PRSS23: variants seen among roughly 807,000 people sequenced by gnomAD.
PRSS23 encodes the protein serine protease 23.
A neutral mutation model predicts 34.7 loss-of-function variants in PRSS23; 25 were observed. That is an observed-to-expected ratio of 0.72 (90% CI 0.53 to 1.01). PRSS23 has a LOEUF of 1.01. Ranked by LOEUF, PRSS23 falls within the 50% of genes least tolerant of loss-of-function variation. The pLI is 0.00. For missense variants in PRSS23, 445 were observed against 475.6 expected, an observed-to-expected ratio of 0.94 and a Z score of 0.60; for synonymous variants, 176 against 186.6, an observed-to-expected ratio of 0.94 and a Z score of 0.46.
chr11:86,925,916 G>A (rs533389675), intron 2 of PRSS23, among the ~76,000 whole-genome samples: 17 of 152,102 alleles, frequency 1.1e-4, no homozygotes, highest in Non-Finnish European at 8.8e-5. Context: ...AAAATTTGGG[G>A]GTTTGTTTCG....
At chr11:86,841,438 G>C (rs568887391) in intron 2 of PRSS23, among the ~76,000 whole-genome samples, 1 of 150,536 alleles carries the variant, frequency 6.6e-6, no homozygotes, top group East Asian at 1.9e-4. Flanking sequence ...AATAAGTTCA[G>C]AGCAGAACTG....
At chr11:86,940,630 G>A (rs934491576) in intron 2 of PRSS23, among the ~76,000 whole-genome samples, 25 of 152,122 alleles carry the variant, frequency 1.6e-4, no homozygotes, top group Non-Finnish European at 4.4e-5. Context: ...TGTGCTGAGC[G>A]CAGGAGAGAA....
chr11:86,858,156 G>A (rs369060739), intron 2 of PRSS23, among the ~76,000 whole-genome samples: 3 of 152,130 alleles, frequency 2.0e-5, no homozygotes, highest in South Asian at 2.1e-4. Context: ...TCCAGTGGGG[G>A]AGAGAATGAC....
intron 2 of PRSS23, among the ~76,000 whole-genome samples, chr11:86,862,244 C>G (rs138998980): frequency 6.6e-6 from 1 of 151,938 alleles, no homozygotes; most frequent in Non-Finnish European, 1.5e-5. Flanking sequence ...GGTGTACACC[C>G]TGTGATATTA....
At chr11:86,941,971 A>C (rs947757881) in intron 2 of PRSS23, among the ~76,000 whole-genome samples, 1 of 151,876 alleles carries the variant, frequency 6.6e-6, no homozygotes, top group Non-Finnish European at 1.5e-5. Flanking sequence ...TTCCTTCCTT[A>C]TACATATATT....
chr11:86,816,679 A>G (rs1335299224), intron 1 of PRSS23, among the ~76,000 whole-genome samples: 3 of 152,200 alleles, frequency 2.0e-5, no homozygotes, highest in Non-Finnish European at 2.9e-5. Context: ...TTTTAAAGTG[A>G]CAGGTTTTAC....
At chr11:86,833,322 G>C (rs1490207284) in intron 2 of PRSS23, 10 of 1,199,248 alleles carry the variant, frequency 8.3e-6, no homozygotes, top group Middle Eastern at 4.0e-4. Flanking sequence ...TGACGGCCAG[G>C]ATAATGAGCA....
intron 2 of PRSS23, among the ~76,000 whole-genome samples, chr11:86,858,332 C>T (rs896384999): frequency 3.9e-5 from 6 of 151,928 alleles, no homozygotes; most frequent in Non-Finnish European, 1.5e-5. Flanking sequence ...CTCCCAATAT[C>T]GCAAGGGGTT....
chr11:86,885,385 T>A (rs185976964), intron 2 of PRSS23, among the ~76,000 whole-genome samples: 214 of 152,356 alleles, frequency 1.4e-3, no homozygotes, highest in Non-Finnish European at 2.4e-3. Flanking sequence ...CCATATTCAC[T>A]CCTATGATGG....
At chr11:86,835,666 G>A (rs1391220531) in intron 2 of PRSS23, among the ~76,000 whole-genome samples, 1 of 152,176 alleles carries the variant, frequency 6.6e-6, no homozygotes, top group Admixed American at 6.5e-5. Flanking sequence ...TTTAGGATGA[G>A]ATTAAGCCAG....
upstream of PRSS23, chr11:86,800,417 G>A (rs944945125): frequency 4.1e-6 from 4 of 979,018 alleles, no homozygotes; most frequent in Non-Finnish European, 4.9e-6. Context: ...AGGGGGGCAC[G>A]GTTTATGTGC....
intron 1 of PRSS23, 107 bp downstream of exon 1, chr11:86,800,758 C>A: frequency 1.6e-6 from 1 of 609,586 alleles, no homozygotes; most frequent in Non-Finnish European, 2.1e-6. Context: ...TAACTGCGGG[C>A]TGCCGGAGGC....
At chr11:86,820,791 AC>A (rs1259366330) in intron 1 of PRSS23, among the ~76,000 whole-genome samples, 1 of 152,112 alleles carries the variant, frequency 6.6e-6, no homozygotes, top group East Asian at 1.9e-4. Context: ...CTTGTGTGAA[AC>A]CTCAAGCTCT....
chr11:86,825,957 A>G (rs893719790), intron 2 of PRSS23, among the ~76,000 whole-genome samples: 7 of 152,294 alleles, frequency 4.6e-5, no homozygotes, highest in African/African-American at 1.4e-4. Context: ...TTGACTTGGC[A>G]ATGCGGGATC....
chr11:86,898,162 G>T (rs116151559), intron 2 of PRSS23, among the ~76,000 whole-genome samples: 3 of 152,108 alleles, frequency 2.0e-5, no homozygotes, highest in African/African-American at 4.8e-5. Flanking sequence ...ATTTCATTTC[G>T]ATGAGAACCT....
chr11:86,823,376 G>T lies in PRSS23; in HGVS notation c.-11-1G>T. 1 of 702,230 alleles carries T rather than the reference G, an allele frequency of 1.4e-6. No homozygotes were observed. Among genetic ancestry groups the T allele is most frequent in the Non-Finnish European group, 2.6e-6 (1 of 384,808 alleles). The allele number at this position is 702,230 out of a possible 1,614,324, so 43.5% of individuals were successfully genotyped here. A position where few individuals can be genotyped will look rare whatever the true frequency, so the allele number is the denominator to read the frequency against. Reference sequence around the variant, plus strand: ...CTGTCTCTGTGTTTCATCTACTTCAGATGGCTCCCTAATGAGTAGAATGAG... The same window carrying T: ...CTGTCTCTGTGTTTCATCTACTTCATATGGCTCCCTAATGAGTAGAATGAG... On this transcript the variant is annotated splice_acceptor_variant, in intron 1 of 2. Transcript: ENST00000533902. LOFTEE classifies it low-confidence loss of function (5UTR_SPLICE).
chr11:86,842,452 G>A, intron 2 of PRSS23, among the ~76,000 whole-genome samples: 1 of 152,142 alleles, frequency 6.6e-6, no homozygotes, highest in African/African-American at 2.4e-5. Context: ...GCAAGAGAAA[G>A]AAATAAAGGG....
At chr11:86,829,246 A>G (rs1948330001) in intron 2 of PRSS23, among the ~76,000 whole-genome samples, 1 of 151,838 alleles carries the variant, frequency 6.6e-6, no homozygotes, top group Non-Finnish European at 1.5e-5. Flanking sequence ...CATTCATTTC[A>G]TCTTCCATCA....
At chr11:86,792,903 C>T (rs1328074327) in intron 1 of PRSS23, among the ~76,000 whole-genome samples, 2 of 152,182 alleles carry the variant, frequency 1.3e-5, no homozygotes, top group Non-Finnish European at 2.9e-5. Flanking sequence ...GACAGGGTCT[C>T]ACTTTGTCAC....
Sources: allele counts gnomAD v4.1 joint callset (sites outside exome capture counted in the v4.1 genomes callset), GRCh38; gene constraint gnomAD v4.1.1; transcripts MANE v1.5; gene names NCBI Gene and HGNC (gene_info 2026-07-23, HGNC 2026-07-21).